Variants in FHIT observed in about 807,000 individuals in gnomAD.
The protein encoded by FHIT is bis(5'-adenosyl)-triphosphatase.
In FHIT, 19 loss-of-function variants were observed where a neutral mutation model predicts 17.9. The ratio of observed to expected loss-of-function variants is 1.06; its 90% CI spans 0.74 to 1.56. FHIT has a LOEUF of 1.56. Ranked by LOEUF, FHIT falls within the 40% of genes most tolerant of loss-of-function variation. The pLI is 0.00. For synonymous variants in FHIT, 81 were observed against 69.7 expected, an observed-to-expected ratio of 1.16 and a Z score of -0.81; for missense variants, 248 against 189.2, an observed-to-expected ratio of 1.31 and a Z score of -1.82.
chr3:60,896,110 A>G lies in FHIT; in HGVS notation c.-110-74099T>C, dbSNP rs1297094691. Among the ~76,000 whole-genome samples the G allele has an allele frequency of 2.6e-5, 4 of 152,102 alleles. No individual in the cohort carries two copies. The East Asian group carries it at 7.7e-4, about 29-fold the overall frequency. On this transcript the variant is annotated intron_variant, in intron 3 of 9. Coordinates refer to ENST00000492590, the MANE Select transcript of FHIT (RefSeq NM_002012.4). Reference sequence around the variant, plus strand: ...CTATTGTGAACTGCGCATACTCATTATGAGAATCTAACTAATGCCTGATGA... The same window carrying G: ...CTATTGTGAACTGCGCATACTCATTGTGAGAATCTAACTAATGCCTGATGA...
Position 60,368,209 on chromosome 3 carries a change from AAAAG to A in FHIT, c.103+168647_103+168650del, listed in dbSNP as rs1239337117. ...ACATATCTTTTTAAAAAAAAAAAAA[AAAAG>A]AAACTGAGGAACTGTTTTCCAAAGT... On this transcript the variant is annotated intron_variant, in intron 5 of 9. Transcript: ENST00000492590. Among the ~76,000 whole-genome samples, 559 of 151,520 alleles carry A rather than the reference AAAAG, an allele frequency of 3.7e-3. 1 individual carries two copies. Among genetic ancestry groups the A allele is most frequent in the African/African-American group, 0.012 (513 of 41,400 alleles).
chr3:60,951,181 G>T (rs1411797186), intron 3 of FHIT, among the ~76,000 whole-genome samples: 1 of 152,044 alleles, frequency 6.6e-6, no homozygotes, highest in African/African-American at 2.4e-5. Flanking sequence ...AAAAATACTG[G>T]ATACAAGAAA....
At chr3:60,877,345 T>C (rs1420023852) in intron 3 of FHIT, among the ~76,000 whole-genome samples, 1 of 152,186 alleles carries the variant, frequency 6.6e-6, no homozygotes, top group Non-Finnish European at 1.5e-5. Flanking sequence ...AGCCAAACAG[T>C]GAAAACTGCT....
rs573759734 is a variant in FHIT, at chr3:60,890,957, G to A, written c.-110-68946C>T. Among the ~76,000 whole-genome samples, 4 of 152,310 alleles carry A rather than the reference G, an allele frequency of 2.6e-5. No individual in the cohort carries two copies. In the East Asian group the frequency reaches 7.7e-4, roughly 29 times the overall value. On this transcript the variant is annotated intron_variant, in intron 3 of 9. Coordinates refer to ENST00000492590, the MANE Select transcript of FHIT (RefSeq NM_002012.4). ...TTGACTCCACACATCAATGGCATGA[G>A]CTACTGTCATGGGCATTCGTCAATA...
intron 4 of FHIT, among the ~76,000 whole-genome samples, chr3:60,816,130 G>A (rs1159777956): frequency 6.6e-6 from 1 of 152,004 alleles, no homozygotes; most frequent in Non-Finnish European, 1.5e-5. Flanking sequence ...TGAGTTCTAG[G>A]AGGCTTTTGG....
chr3:60,299,754 T>G (rs186200742), intron 5 of FHIT, among the ~76,000 whole-genome samples: 1 of 152,110 alleles, frequency 6.6e-6, no homozygotes, highest in East Asian at 1.9e-4. Flanking sequence ...AATACCAACC[T>G]GACAAGGAGG....
intron 3 of FHIT, among the ~76,000 whole-genome samples, chr3:60,921,570 C>T (rs1707282872): frequency 1.3e-5 from 2 of 152,150 alleles, no homozygotes; most frequent in Admixed American, 1.3e-4. Flanking sequence ...TTTTAAATAA[C>T]ATTATAACTT....
intron 7 of FHIT, among the ~76,000 whole-genome samples, chr3:59,986,536 T>TACACAC (rs1337684679): frequency 5.2e-4 from 6 of 11,562 alleles, no homozygotes; most frequent in African/African-American, 2.4e-3. Context: ...TATATATATA[T>TACACAC]ATATACACAC....
intron 4 of FHIT, among the ~76,000 whole-genome samples, chr3:60,657,919 T>C (rs529140736): frequency 6.6e-5 from 10 of 152,288 alleles, no homozygotes; most frequent in African/African-American, 9.6e-5. Context: ...ATTATTTTTT[T>C]CCAATTTTTT....
intron 5 of FHIT, among the ~76,000 whole-genome samples, chr3:60,340,882 G>A (rs1200866367): frequency 6.6e-6 from 1 of 152,040 alleles, no homozygotes; most frequent in Non-Finnish European, 1.5e-5. Flanking sequence ...AGTAGAGATG[G>A]GGTTTCACTA....
intron 8 of FHIT, among the ~76,000 whole-genome samples, chr3:59,867,230 G>A (rs192523970): frequency 5.6e-5 from 5 of 88,592 alleles, no homozygotes; most frequent in South Asian, 7.3e-4. Context: ...GAAGATCACC[G>A]ACATTCTCTT....
At chr3:60,461,024 C>A (rs535565556) in intron 5 of FHIT, among the ~76,000 whole-genome samples, 1 of 152,092 alleles carries the variant, frequency 6.6e-6, no homozygotes, top group East Asian at 1.9e-4. Flanking sequence ...ATGTAACAAC[C>A]CTGGCACAGA....
chr3:60,625,272 A>G (rs185131262), intron 4 of FHIT, among the ~76,000 whole-genome samples: 1 of 152,312 alleles, frequency 6.6e-6, no homozygotes, highest in Non-Finnish European at 1.5e-5. Context: ...TTTTGAGTGG[A>G]CATATGTTTT....
chr3:60,808,838 G>A (rs1175676242), intron 4 of FHIT, among the ~76,000 whole-genome samples: 6 of 152,262 alleles, frequency 3.9e-5, no homozygotes, highest in Non-Finnish European at 8.8e-5. Context: ...TGGCTTGGTG[G>A]CCAAAACTTC....
intron 1 of FHIT, among the ~76,000 whole-genome samples, chr3:61,220,227 A>T (rs867189263): frequency 2.2e-4 from 34 of 152,260 alleles, no homozygotes; most frequent in South Asian, 6.2e-4. Context: ...GCCAATTTTC[A>T]ACTAAGAGAA....
At chr3:59,825,219 T>A (rs1459494367) in intron 8 of FHIT, among the ~76,000 whole-genome samples, 5 of 152,222 alleles carry the variant, frequency 3.3e-5, no homozygotes, top group African/African-American at 1.2e-4. Context: ...CTTTAGTTCA[T>A]ATTTCTTCTC....
chr3:60,021,063 T>A (rs1217985256), intron 5 of FHIT, among the ~76,000 whole-genome samples: 1 of 152,202 alleles, frequency 6.6e-6, no homozygotes, highest in Non-Finnish European at 1.5e-5. Flanking sequence ...ATGACACAGA[T>A]GTAATTTTAA....
At chr3:60,700,705 C>T (rs1278366048) in intron 4 of FHIT, among the ~76,000 whole-genome samples, 1 of 152,180 alleles carries the variant, frequency 6.6e-6, no homozygotes, top group Non-Finnish European at 1.5e-5. Flanking sequence ...TCTTCCATTT[C>T]TAAGCACCTT....
At chr3:60,250,227 T>C (rs540240988) in intron 5 of FHIT, among the ~76,000 whole-genome samples, 4 of 152,252 alleles carry the variant, frequency 2.6e-5, no homozygotes, top group African/African-American at 9.6e-5. Flanking sequence ...TTTCCAATTA[T>C]CCTAGCCAAT....
Sources: gnomAD v4.1 joint callset for allele counts (sites outside exome capture counted in the v4.1 genomes callset) on GRCh38, gnomAD v4.1.1 for gene constraint, MANE v1.5 for transcripts, NCBI Gene and HGNC (gene_info 2026-07-23, HGNC 2026-07-21) for gene names.